PLAC9: variants seen among roughly 807,000 people sequenced by gnomAD.
PLAC9 encodes placenta associated 9.
PLAC9 carries 12 observed loss-of-function variants against 11.5 expected under a neutral mutation model. The ratio of observed to expected loss-of-function variants is 1.05; its 90% CI spans 0.67 to 1.69. The LOEUF (loss-of-function observed/expected upper bound fraction) is 1.69. PLAC9 is among the 40% of genes most tolerant of loss of function. PLAC9 has a pLI of 0.00. For synonymous variants in PLAC9, 62 were observed against 58.1 expected, an observed-to-expected ratio of 1.07 and a Z score of -0.31; for missense variants, 132 against 130.5, an observed-to-expected ratio of 1.01 and a Z score of -0.06.
intron 1 of PLAC9, among the ~76,000 whole-genome samples, chr10:80,141,782 G>A (rs1444327474): frequency 6.6e-6 from 1 of 152,118 alleles, no homozygotes; most frequent in Non-Finnish European, 1.5e-5. Flanking sequence ...AGTGAGCCCT[G>A]CTCTTTCAGA....
chr10:80,137,382 T>C (rs1844991007), intron 1 of PLAC9, among the ~76,000 whole-genome samples: 1 of 152,196 alleles, frequency 6.6e-6, no homozygotes, highest in African/African-American at 2.4e-5. Context: ...TGCATCCCCC[T>C]GGCCTGAGCC....
intron 1 of PLAC9, among the ~76,000 whole-genome samples, chr10:80,136,213 C>A (rs1306462754): frequency 2.0e-5 from 3 of 152,158 alleles, no homozygotes; most frequent in Admixed American, 6.5e-5. Flanking sequence ...CAGGATGCCC[C>A]ACCCATGGCC....
chr10:80,144,719 C>A (rs1275031561), intron 3 of PLAC9, among the ~76,000 whole-genome samples, 181 bp from the exon 4 acceptor site: 1 of 152,200 alleles, frequency 6.6e-6, no homozygotes, highest in African/African-American at 2.4e-5. Context: ...GCAGGGAAGA[C>A]GGGCGTCCCC....
At chr10:80,135,061 C>T (rs1844959125) in intron 1 of PLAC9, among the ~76,000 whole-genome samples, 2 of 151,200 alleles carry the variant, frequency 1.3e-5, no homozygotes, top group Admixed American at 1.3e-4. Context: ...GCTCTGTCTC[C>T]CAGGCTGGAG....
intron 1 of PLAC9, among the ~76,000 whole-genome samples, chr10:80,134,895 A>G (rs966687577): frequency 2.0e-5 from 3 of 152,078 alleles, no homozygotes; most frequent in Admixed American, 6.6e-5. Context: ...AGTTTTCCAC[A>G]TTTAGATTTT....
rs1419184288 is a variant in PLAC9 at position 80,132,757 on chromosome 10, G to A, written c.-6G>A. On this transcript the variant is annotated 5_prime_UTR_variant, in exon 1 of 4. Transcript: ENST00000372263. ...ACGCGGCGCTGCGCTCGGCCAGGCC[G>A]GCACCATGCGGCCCCTGCTCTGCGC... The A allele has an allele frequency of 2.7e-6, 4 of 1,472,956 alleles. No individual in the cohort carries two copies. Among genetic ancestry groups the A allele is most frequent in the African/African-American group, 1.5e-5 (1 of 68,022 alleles). The allele number at this position is 1,472,956 out of a possible 1,614,324, so 91.2% of individuals were successfully genotyped here.
intron 1 of PLAC9, among the ~76,000 whole-genome samples, chr10:80,139,568 C>T (rs1252280661): frequency 6.6e-6 from 1 of 152,162 alleles, no homozygotes; most frequent in Non-Finnish European, 1.5e-5. Flanking sequence ...GATGCCGGCT[C>T]ATTCTGCATA....
chr10:80,145,176 G>A lies in PLAC9; in HGVS notation c.*266G>A, dbSNP rs112931379. 5 of 609,932 alleles carry A rather than the reference G, an allele frequency of 8.2e-6. No homozygotes were observed. Among genetic ancestry groups the A allele is most frequent in the African/African-American group, 5.6e-5 (3 of 53,176 alleles). The allele number at this position is 609,932 out of a possible 1,614,324, so 37.8% of individuals were successfully genotyped here. A position where few individuals can be genotyped will look rare whatever the true frequency, so the allele number is the denominator to read the frequency against. ...TCATTTATAGGGGCAGATGGAGCAG[G>A]GGTTGATTCACACAGATGGGGGCCC... On this transcript the variant is annotated 3_prime_UTR_variant, in exon 4 of 4. Coordinates refer to ENST00000372263, the MANE Select transcript of PLAC9 (RefSeq NM_001012973.3).
At chr10:80,142,038 G>A (rs1357075770) in intron 1 of PLAC9, 44 bp from the exon 2 acceptor site, 3 of 1,537,792 alleles carry the variant, frequency 2.0e-6, no homozygotes, top group Non-Finnish European at 1.8e-6. Flanking sequence ...CTGGCATTAT[G>A]GAAAACTAAG....
chr10:80,133,943 C>CAAAAAAA (rs61127711), intron 1 of PLAC9, among the ~76,000 whole-genome samples: 1 of 107,738 alleles, frequency 9.3e-6, no homozygotes, highest in Non-Finnish European at 1.8e-5. Flanking sequence ...GACTCAGTTT[C>CAAAAAAA]AAAAAAAAAA....
At position 80,136,751 on chromosome 10, in the gene PLAC9, G is replaced by T. The variant is rs1259903025; in HGVS notation, c.64+3925G>T. ...TGACCTCAAACTTCTGGCTTCAAGC[G>T]ATCCTCTTGCCTCAGCCTCCTAAAG... On this transcript the variant is annotated intron_variant, in intron 1 of 3. Coordinates refer to ENST00000372263, the MANE Select transcript of PLAC9 (RefSeq NM_001012973.3). 2.2e-4 allele frequency among the ~76,000 whole-genome samples: 34 copies of T among 151,682 alleles called. 1 individual carries two copies. Among genetic ancestry groups the T allele is most frequent in the Admixed American group, 2.0e-3 (31 of 15,220 alleles).
In PLAC9 at chr10:80,145,071, C is replaced by T. The variant is rs1845087951; in HGVS notation, c.*161C>T. On this transcript the variant is annotated 3_prime_UTR_variant, in exon 4 of 4. Coordinates refer to ENST00000372263, the MANE Select transcript of PLAC9 (RefSeq NM_001012973.3). ...GACAGAGTAACCCGTTTAACTACAG[C>T]CTCCTCTCACTCCACTTCCATGCCT... 2 of 914,924 alleles carry T rather than the reference C, an allele frequency of 2.2e-6. No homozygotes were observed. The highest frequency in any genetic ancestry group is 1.4e-5 in the South Asian group (1 of 70,958). The allele number at this position is 914,924 out of a possible 1,614,324, so 56.7% of individuals were successfully genotyped here.
intron 2 of PLAC9, among the ~76,000 whole-genome samples, chr10:80,142,646 T>C (rs59117417): frequency 0.14 from 20,932 of 152,228 alleles, 1,884 homozygotes; most frequent in East Asian, 0.32. Context: ...ATATAATTTT[T>C]ATCCTTCCTT....
At chr10:80,140,307 A>C (rs1234887359) in intron 1 of PLAC9, among the ~76,000 whole-genome samples, 2 of 152,048 alleles carry the variant, frequency 1.3e-5, no homozygotes, top group Non-Finnish European at 2.9e-5. Flanking sequence ...GAAATTTTCC[A>C]GAATCCAAGT....
intron 2 of PLAC9, among the ~76,000 whole-genome samples, chr10:80,143,319 C>A (rs1290158691): frequency 6.6e-6 from 1 of 151,964 alleles, no homozygotes; most frequent in Non-Finnish European, 1.5e-5. Context: ...TCGCCTCAAC[C>A]TCCCAAAGTG....
At chr10:80,136,448 G>C (rs2132333695) in intron 1 of PLAC9, among the ~76,000 whole-genome samples, 1 of 152,206 alleles carries the variant, frequency 6.6e-6, no homozygotes, top group Admixed American at 6.5e-5. Context: ...TGTGGTGCAT[G>C]TGCGTGTCTA....
intron 1 of PLAC9, among the ~76,000 whole-genome samples, chr10:80,141,341 G>A (rs536934214): frequency 7.2e-5 from 11 of 152,130 alleles, no homozygotes; most frequent in African/African-American, 2.6e-4. Flanking sequence ...GCTTACACCT[G>A]TAATCCCAGC....
At chr10:80,133,984 C>T (rs1844944095) in intron 1 of PLAC9, among the ~76,000 whole-genome samples, 1 of 150,020 alleles carries the variant, frequency 6.7e-6, no homozygotes, top group Non-Finnish European at 1.5e-5. Flanking sequence ...GGAAAGTATT[C>T]ATGTATTAGT....
intron 1 of PLAC9, among the ~76,000 whole-genome samples, chr10:80,136,204 A>G (rs1844973252): frequency 1.3e-5 from 2 of 152,192 alleles, no homozygotes; most frequent in Admixed American, 1.3e-4. Context: ...TCACCAGCAC[A>G]GGATGCCCCA....
Sources: allele counts gnomAD v4.1 joint callset (sites outside exome capture counted in the v4.1 genomes callset), GRCh38; gene constraint gnomAD v4.1.1; transcripts MANE v1.5; gene names NCBI Gene and HGNC (gene_info 2026-07-23, HGNC 2026-07-21).